DNER: variants seen among roughly 807,000 people sequenced by gnomAD.
The protein encoded by DNER is delta/notch like EGF repeat containing, also known as delta and Notch-like epidermal growth factor-related receptor.
Under a neutral mutation model 78.2 loss-of-function variants are expected in DNER, and 33 were observed. The observed-to-expected ratio is 0.42, with a 90% confidence interval of 0.32 to 0.56. The LOEUF is 0.56. DNER is among the 20% of genes least tolerant of loss of function. DNER has a pLI of 0.11. For missense variants in DNER, 918 were observed against 975.3 expected (o/e 0.94, Z 0.78); for synonymous variants, 417 against 384.8 (o/e 1.08, Z -0.98).
intron 5 of DNER, among the ~76,000 whole-genome samples, chr2:229,537,458 T>C (rs10182787): frequency 0.8 from 121,411 of 152,092 alleles, 48,724 homozygotes; most frequent in East Asian, 0.96. Flanking sequence ...CTACCTTTAC[T>C]ATATATTAGC....
chr2:229,540,528 T>C (rs1423236186), intron 5 of DNER, among the ~76,000 whole-genome samples: 1 of 152,162 alleles, frequency 6.6e-6, no homozygotes, highest in South Asian at 2.1e-4. Context: ...GTCTCCCAAC[T>C]TGGCCACATG....
intron 9 of DNER, among the ~76,000 whole-genome samples, chr2:229,410,776 A>G (rs1444604573): frequency 6.6e-6 from 1 of 152,244 alleles, no homozygotes; most frequent in African/African-American, 2.4e-5. Flanking sequence ...TACACCAATT[A>G]TAAGTCTTTG....
chr2:229,430,268 G>A (rs1693976188), intron 8 of DNER, among the ~76,000 whole-genome samples: 1 of 152,010 alleles, frequency 6.6e-6, no homozygotes, highest in African/African-American at 2.4e-5. Context: ...GATATAAGCG[G>A]GTAATATCAT....
At position 229,484,357 on chromosome 2, in the gene DNER, A is replaced by G. The variant is rs577991470; in HGVS notation, c.1148-7104T>C. Among the ~76,000 whole-genome samples, 29 of 152,294 alleles carry G rather than the reference A, an allele frequency of 1.9e-4. No homozygotes were observed. The South Asian group carries it at 5.6e-3, about 29-fold the overall frequency. Reference sequence around the variant, plus strand: ...ATGGTCTGTACATCTAACTTGGGAAACACTGCAATGAGCAACTGTCCTGCT... The same window carrying G: ...ATGGTCTGTACATCTAACTTGGGAAGCACTGCAATGAGCAACTGTCCTGCT... On this transcript the variant is annotated intron_variant, in intron 6 of 12. Transcript: ENST00000341772.
rs144802086 is a variant in DNER, at chr2:229,458,523, T to C, written c.1262-10983A>G. ...GTGCACATGAAATAAGTCATTTTAATAGATACAGAAAAATTATTTGGCAAA... is the reference window on the plus strand; with the variant it reads ...GTGCACATGAAATAAGTCATTTTAACAGATACAGAAAAATTATTTGGCAAA... On this transcript the variant is annotated intron_variant, in intron 7 of 12. Transcript: ENST00000341772. Among the ~76,000 whole-genome samples, 475 of 152,106 alleles carry C rather than the reference T, an allele frequency of 3.1e-3. 7 individuals carry two copies. The highest frequency in any genetic ancestry group is 0.011 in the African/African-American group (451 of 41,454).
At chr2:229,556,523 G>A (rs937138200) in intron 4 of DNER, among the ~76,000 whole-genome samples, 10 of 152,142 alleles carry the variant, frequency 6.6e-5, no homozygotes, top group African/African-American at 7.2e-5. Flanking sequence ...TGAGTGATGC[G>A]TTTTATTATT....
intron 6 of DNER, among the ~76,000 whole-genome samples, chr2:229,479,586 G>A (rs896846269): frequency 8.6e-5 from 13 of 151,734 alleles, no homozygotes; most frequent in Admixed American, 3.3e-4. Context: ...GGTGGCATAC[G>A]CCTGAAATCC....
intron 8 of DNER, among the ~76,000 whole-genome samples, chr2:229,419,861 A>G (rs1377669537): frequency 6.7e-6 from 1 of 150,232 alleles, no homozygotes; most frequent in Non-Finnish European, 1.5e-5. Context: ...ACATTTGAAA[A>G]TGTTTGGAGA....
chr2:229,663,938 C>T (rs888173), intron 1 of DNER, among the ~76,000 whole-genome samples: 133,282 of 152,156 alleles, frequency 0.88, 59,981 homozygotes, highest in Non-Finnish European at 0.98. Flanking sequence ...AGCGATTCTC[C>T]CACCTCAACC....
At chr2:229,422,020 T>C (rs576121907) in intron 8 of DNER, among the ~76,000 whole-genome samples, 9 of 152,320 alleles carry the variant, frequency 5.9e-5, no homozygotes, top group African/African-American at 2.2e-4. Context: ...GGAAGTTATT[T>C]TACAGAGATA....
chr2:229,707,467 A>C (rs866152349), intron 1 of DNER, among the ~76,000 whole-genome samples: 1 of 152,176 alleles, frequency 6.6e-6, no homozygotes, highest in African/African-American at 2.4e-5. Context: ...AACAGATTAA[A>C]TGTCTTCATG....
intron 5 of DNER, among the ~76,000 whole-genome samples, chr2:229,528,532 A>C (rs74499565): frequency 0.019 from 2,948 of 152,278 alleles, 101 homozygotes; most frequent in African/African-American, 0.068. Context: ...GGAAATAAGA[A>C]GGGCAATTTC....
rs1015805160 is a variant in DNER, at chr2:229,357,761, T to C, written c.*779A>G. On this transcript the variant is annotated 3_prime_UTR_variant, in exon 13 of 13. Transcript: ENST00000341772. Reference sequence around the variant, plus strand: ...CTGCACTATGAGAAATACTCACTACTGAAGGAACCAGTACTCTCTTACATT... The same window carrying C: ...CTGCACTATGAGAAATACTCACTACCGAAGGAACCAGTACTCTCTTACATT... The C allele has an allele frequency of 3.9e-5, 6 of 152,234 alleles. No homozygotes were observed. Among genetic ancestry groups the C allele is most frequent in the Non-Finnish European group, 8.8e-5 (6 of 68,048 alleles). 9.4% of individuals were successfully genotyped at this position (152,234 alleles called of 1,614,324 possible).
chr2:229,493,111 C>G (rs1322368881), intron 6 of DNER, among the ~76,000 whole-genome samples: 2 of 152,154 alleles, frequency 1.3e-5, no homozygotes, highest in African/African-American at 2.4e-5. Flanking sequence ...AAACCAACAA[C>G]GCAAAGGCAC....
At chr2:229,473,768 T>C (rs1407609944) in intron 7 of DNER, among the ~76,000 whole-genome samples, 1 of 151,904 alleles carries the variant, frequency 6.6e-6, no homozygotes, top group South Asian at 2.1e-4. Flanking sequence ...AAACCTACAA[T>C]GGAGAAATGG....
intron 1 of DNER, among the ~76,000 whole-genome samples, chr2:229,624,558 A>C (rs1176037904): frequency 6.6e-6 from 1 of 152,220 alleles, no homozygotes; most frequent in Non-Finnish European, 1.5e-5. Context: ...CAAAACCAGA[A>C]ATACACTAAT....
chr2:229,453,934 A>AG (rs572421837), intron 7 of DNER, among the ~76,000 whole-genome samples: 20 of 145,922 alleles, frequency 1.4e-4, no homozygotes, highest in Non-Finnish European at 2.8e-4. Context: ...AAAAAAAAAA[A>AG]AAAAAAAAGA....
intron 11 of DNER, among the ~76,000 whole-genome samples, chr2:229,382,836 C>A (rs1393259027): frequency 5.9e-5 from 9 of 152,108 alleles, no homozygotes; most frequent in Non-Finnish European, 1.3e-4. Flanking sequence ...AGTTGGAAAA[C>A]ACTTTTTAGG....
At chr2:229,383,595 G>A (rs993884195) in intron 11 of DNER, among the ~76,000 whole-genome samples, 4 of 152,054 alleles carry the variant, frequency 2.6e-5, no homozygotes, top group East Asian at 1.9e-4. Flanking sequence ...AGCAAAAAAA[G>A]GAGGGATTTC....
Sources: gnomAD v4.1 joint callset for allele counts (sites outside exome capture counted in the v4.1 genomes callset) on GRCh38, gnomAD v4.1.1 for gene constraint, MANE v1.5 for transcripts, NCBI Gene and HGNC (gene_info 2026-07-23, HGNC 2026-07-21) for gene names.